BRINP2: variants seen among roughly 807,000 people sequenced by gnomAD.
BRINP2 encodes BMP/retinoic acid inducible neural specific 2.
In BRINP2, 21 loss-of-function variants were observed where a neutral mutation model predicts 69.2. That is an observed-to-expected ratio of 0.30 (90% CI 0.22 to 0.44). BRINP2 has a LOEUF of 0.44. Ranked by LOEUF, BRINP2 falls within the 20% of genes least tolerant of loss-of-function variation. The probability of loss-of-function intolerance (pLI) is 1.00; values close to 1 mark genes in which losing one functional copy is unlikely to be tolerated. For missense variants in BRINP2, 877 were observed against 986.0 expected (o/e 0.89, Z 1.48); for synonymous variants, 380 against 394.1 (o/e 0.96, Z 0.42).
At chr1:177,178,747 T>C (rs1423272974) in intron 1 of BRINP2, among the ~76,000 whole-genome samples, 4 of 152,132 alleles carry the variant, frequency 2.6e-5, no homozygotes, top group South Asian at 2.1e-4. Flanking sequence ...AAAATACTTA[T>C]TGAGTATATT....
At chr1:177,192,448 G>A (rs554661903) in intron 1 of BRINP2, among the ~76,000 whole-genome samples, 8 of 152,186 alleles carry the variant, frequency 5.3e-5, no homozygotes, top group Admixed American at 4.6e-4. Flanking sequence ...ATAGGTGTGA[G>A]ATTAGGGAAA....
chr1:177,175,177 T>C (rs546640204), intron 1 of BRINP2, among the ~76,000 whole-genome samples: 1 of 152,360 alleles, frequency 6.6e-6, no homozygotes, highest in East Asian at 1.9e-4. Context: ...ATTTTCAATC[T>C]TAAGATTCTT....
intron 5 of BRINP2, chr1:177,275,077 C>A: frequency 2.2e-6 from 1 of 454,894 alleles, no homozygotes; most frequent in Non-Finnish European, 4.4e-6. Flanking sequence ...ACTTTCCTGG[C>A]ACAAGGTCTC....
At chr1:177,270,515 G>A (rs1305037818) in intron 4 of BRINP2, among the ~76,000 whole-genome samples, 2 of 151,264 alleles carry the variant, frequency 1.3e-5, no homozygotes, top group East Asian at 2.0e-4. Context: ...GGAAGCAGAT[G>A]CATTGGTGGC....
intron 1 of BRINP2, among the ~76,000 whole-genome samples, chr1:177,213,858 A>G (rs934929960): frequency 5.3e-5 from 8 of 152,222 alleles, no homozygotes; most frequent in African/African-American, 1.9e-4. Context: ...TTCTTTGTCT[A>G]ATAAACATTA....
chr1:177,238,201 G>A (rs2102331411), intron 2 of BRINP2, among the ~76,000 whole-genome samples: 1 of 152,334 alleles, frequency 6.6e-6, no homozygotes, highest in Admixed American at 6.5e-5. Flanking sequence ...AGTGGGCGAG[G>A]CCTGTGGTAT....
intron 1 of BRINP2, among the ~76,000 whole-genome samples, chr1:177,179,206 A>G (rs756945239): frequency 4.0e-5 from 6 of 150,022 alleles, no homozygotes; most frequent in Non-Finnish European, 8.8e-5. Context: ...AAGATAAAAT[A>G]GAGTATTGTC....
At chr1:177,244,916 C>G (rs1650326491) in intron 2 of BRINP2, among the ~76,000 whole-genome samples, 1 of 152,062 alleles carries the variant, frequency 6.6e-6, no homozygotes, top group Admixed American at 6.6e-5. Context: ...ATTCCTTTGT[C>G]CAAAGCAAAG....
intron 2 of BRINP2, among the ~76,000 whole-genome samples, chr1:177,233,314 C>T (rs993351561): frequency 3.9e-5 from 6 of 152,134 alleles, no homozygotes; most frequent in African/African-American, 7.2e-5. Flanking sequence ...TGTATAATAT[C>T]GGGCAAATTA....
chr1:177,224,163 G>T (rs1053058010), intron 1 of BRINP2, among the ~76,000 whole-genome samples: 3 of 152,108 alleles, frequency 2.0e-5, no homozygotes, highest in African/African-American at 7.2e-5. Flanking sequence ...TATTGCGGAT[G>T]ACAAGAACAA....
chr1:177,180,693 TTC>T (rs1648219487), intron 1 of BRINP2, among the ~76,000 whole-genome samples: 1 of 152,188 alleles, frequency 6.6e-6, no homozygotes, highest in African/African-American at 2.4e-5. Context: ...CACCTGTTTC[TTC>T]TCTTTCCTCA....
chr1:177,257,435 C>T, intron 4 of BRINP2, 51 bp downstream of exon 4: 1 of 1,499,360 alleles, frequency 6.7e-7, no homozygotes, highest in Non-Finnish European at 9.0e-7. Flanking sequence ...ACTGAGGAAC[C>T]AGGGGGAGGC....
chr1:177,273,637 T>C, intron 5 of BRINP2, 44 bp downstream of exon 5: 1 of 1,051,752 alleles, frequency 9.5e-7, no homozygotes, highest in Non-Finnish European at 1.3e-6. Flanking sequence ...ACACCTGATT[T>C]AAAAAAAAAA....
At chr1:177,186,246 T>G (rs943759700) in intron 1 of BRINP2, among the ~76,000 whole-genome samples, 4 of 152,132 alleles carry the variant, frequency 2.6e-5, no homozygotes, top group African/African-American at 9.7e-5. Context: ...GCAAGCTCTA[T>G]GGATGACACA....
intron 1 of BRINP2, among the ~76,000 whole-genome samples, chr1:177,179,087 G>A (rs1290246185): frequency 1.3e-5 from 2 of 152,170 alleles, no homozygotes; most frequent in African/African-American, 4.8e-5. Flanking sequence ...AACTAGGGGA[G>A]CTGGCATTCT....
intron 1 of BRINP2, among the ~76,000 whole-genome samples, chr1:177,224,202 C>T (rs149195316): frequency 2.0e-5 from 3 of 152,052 alleles, no homozygotes; most frequent in African/African-American, 7.2e-5. Flanking sequence ...TTTTTTTTAA[C>T]AACTGACACC....
intron 2 of BRINP2, among the ~76,000 whole-genome samples, chr1:177,232,130 A>C: frequency 6.6e-6 from 1 of 152,184 alleles, no homozygotes; most frequent in East Asian, 1.9e-4. Context: ...ATTTTTAAAA[A>C]GTGTATTGGA....
At chr1:177,246,930 T>G (rs139891914) in intron 2 of BRINP2, among the ~76,000 whole-genome samples, 4 of 152,350 alleles carry the variant, frequency 2.6e-5, no homozygotes, top group African/African-American at 9.6e-5. Flanking sequence ...GCCTCTGTAT[T>G]GGAGCCAAAG....
At chr1:177,192,379 G>A (rs1648619098) in intron 1 of BRINP2, among the ~76,000 whole-genome samples, 1 of 152,198 alleles carries the variant, frequency 6.6e-6, no homozygotes, top group Non-Finnish European at 1.5e-5. Context: ...TCTGCTGTAG[G>A]TGAATGGGTC....
Sources: allele counts gnomAD v4.1 joint callset (sites outside exome capture counted in the v4.1 genomes callset), GRCh38; gene constraint gnomAD v4.1.1; transcripts MANE v1.5; gene names NCBI Gene and HGNC (gene_info 2026-07-23, HGNC 2026-07-21).